Variants in SMOC2 observed in about 807,000 individuals in gnomAD.
SMOC2 encodes SPARC related modular calcium binding 2.
Under a neutral mutation model 61.4 loss-of-function variants are expected in SMOC2, and 39 were observed. The ratio of observed to expected loss-of-function variants is 0.64; its 90% CI spans 0.49 to 0.83. SMOC2 has a LOEUF of 0.83. Among genes scored for constraint, SMOC2 ranks in the 40% least tolerant of loss-of-function variants. SMOC2 has a pLI of 0.00. For synonymous variants in SMOC2, 247 were observed against 239.9 expected, an observed-to-expected ratio of 1.03 and a Z score of -0.27; for missense variants, 556 against 592.9, an observed-to-expected ratio of 0.94 and a Z score of 0.65.
intron 1 of SMOC2, among the ~76,000 whole-genome samples, chr6:168,498,462 C>T (rs527399109): frequency 1.3e-5 from 2 of 151,932 alleles, no homozygotes; most frequent in South Asian, 2.1e-4. Context: ...CAGAAAATGT[C>T]GAGGCTATCA....
chr6:168,567,797 T>G (rs1784575797), intron 7 of SMOC2, among the ~76,000 whole-genome samples: 1 of 152,056 alleles, frequency 6.6e-6, no homozygotes, highest in Non-Finnish European at 1.5e-5. Flanking sequence ...TAGAATTTAG[T>G]GCGTCTTCTC....
intron 7 of SMOC2, among the ~76,000 whole-genome samples, chr6:168,574,926 T>C (rs1784761311): frequency 6.6e-6 from 1 of 152,104 alleles, no homozygotes; most frequent in African/African-American, 2.4e-5. Flanking sequence ...CGTGCCGGGG[T>C]GCGGGGGCTG....
intron 2 of SMOC2, among the ~76,000 whole-genome samples, chr6:168,513,716 G>A (rs952694832): frequency 6.6e-6 from 1 of 152,138 alleles, no homozygotes; most frequent in South Asian, 2.1e-4. Context: ...CTGAGGCTGC[G>A]AGTGAGTCCA....
At chr6:168,545,840 C>T (rs963816548) in intron 5 of SMOC2, among the ~76,000 whole-genome samples, 49 of 152,228 alleles carry the variant, frequency 3.2e-4, no homozygotes, top group African/African-American at 1.2e-3. Flanking sequence ...CAAAAAATTT[C>T]AAATATGTTC....
intron 9 of SMOC2, among the ~76,000 whole-genome samples, chr6:168,624,653 GAC>G (rs969376946): frequency 2.0e-4 from 24 of 119,360 alleles, no homozygotes; most frequent in East Asian, 7.0e-4. Flanking sequence ...TTCACACACA[GAC>G]ACAGACGCAC....
chr6:168,623,329 A>ATTTTTTTTTTTTTTTTTTTTTT (rs11284179), intron 9 of SMOC2, among the ~76,000 whole-genome samples: 1 of 129,108 alleles, frequency 7.7e-6, no homozygotes. Context: ...TGGATAATTA[A>ATTTTTTTTTTTTTTTTTTTTTT]TTTTTTTTTT....
intron 11 of SMOC2, among the ~76,000 whole-genome samples, chr6:168,662,451 C>T (rs1332699369): frequency 6.6e-6 from 1 of 152,156 alleles, no homozygotes; most frequent in East Asian, 1.9e-4. Flanking sequence ...ACAGCAGGAA[C>T]GCCATGCCCA....
intron 11 of SMOC2, among the ~76,000 whole-genome samples, chr6:168,663,403 G>A (rs1787572106): frequency 6.6e-6 from 1 of 152,202 alleles, no homozygotes; most frequent in Non-Finnish European, 1.5e-5. Context: ...AGAAGCAAAA[G>A]ACTTCAAAGA....
chr6:168,615,340 A>AGG (rs34520308), intron 9 of SMOC2, among the ~76,000 whole-genome samples: 232 of 15,582 alleles, frequency 0.015, 3 homozygotes, highest in Middle Eastern at 0.05. Flanking sequence ...CAGCCAGCAC[A>AGG]GGGCCTCTTC....
chr6:168,482,066 C>T (rs1376175019), intron 1 of SMOC2, among the ~76,000 whole-genome samples: 3 of 151,186 alleles, frequency 2.0e-5, no homozygotes, highest in African/African-American at 7.3e-5. Flanking sequence ...AAATAGAAAA[C>T]AGAAAAATAA....
intron 4 of SMOC2, among the ~76,000 whole-genome samples, chr6:168,529,710 ACCCCC>A (rs1201330103): frequency 6.6e-6 from 1 of 152,146 alleles, no homozygotes; most frequent in Non-Finnish European, 1.5e-5. Context: ...GAGTATACAT[ACCCCC>A]CAAACACAGA....
At chr6:168,569,653 A>G (rs1286662865) in intron 7 of SMOC2, among the ~76,000 whole-genome samples, 1 of 152,146 alleles carries the variant, frequency 6.6e-6, no homozygotes, top group Non-Finnish European at 1.5e-5. Flanking sequence ...CATGTTGCCC[A>G]GGGTGGTCCC....
intron 1 of SMOC2, among the ~76,000 whole-genome samples, chr6:168,500,925 G>A (rs988551049): frequency 6.6e-6 from 1 of 152,094 alleles, no homozygotes; most frequent in Non-Finnish European, 1.5e-5. Context: ...ATGAACCCCC[G>A]GAACACTTTT....
At chr6:168,613,053 G>T (rs61369672) in intron 9 of SMOC2, among the ~76,000 whole-genome samples, 39,140 of 152,066 alleles carry the variant, frequency 0.26, 5,155 homozygotes, top group Non-Finnish European at 0.27. Context: ...AGGACCAATC[G>T]TATTCGAATG....
intron 9 of SMOC2, among the ~76,000 whole-genome samples, chr6:168,649,369 G>C: frequency 6.6e-6 from 1 of 152,180 alleles, no homozygotes; most frequent in East Asian, 1.9e-4. Flanking sequence ...TCCAGGCTCA[G>C]AAGTCTCCGT....
chr6:168,519,187 A>G lies in SMOC2; in HGVS notation c.257-7159A>G, dbSNP rs932279756. Among the ~76,000 whole-genome samples, 3 of 140,932 alleles carry G rather than the reference A, an allele frequency of 2.1e-5. 1 individual carries two copies. Among genetic ancestry groups the G allele is most frequent in the Middle Eastern group, 4.0e-3 (1 of 252 alleles). 92.5% of individuals were successfully genotyped at this position (140,932 alleles called of 152,430 possible). A position where few individuals can be genotyped will look rare whatever the true frequency, so the allele number is the denominator to read the frequency against. ...TGCGTGCATGTGTGAGTATGCGTGC[A>G]TGTGTATGTGTGTGTATGCATGCGT... On this transcript the variant is annotated intron_variant, in intron 2 of 12. Coordinates refer to ENST00000356284, the MANE Select transcript of SMOC2 (RefSeq NM_001166412.2).
chr6:168,503,978 C>T (rs1782801286), intron 1 of SMOC2, among the ~76,000 whole-genome samples: 1 of 152,162 alleles, frequency 6.6e-6, no homozygotes, highest in African/African-American at 2.4e-5. Context: ...TGTTTGAACC[C>T]CGGTCTCCTC....
At chr6:168,634,836 C>T (rs575454280) in intron 9 of SMOC2, among the ~76,000 whole-genome samples, 1 of 152,178 alleles carries the variant, frequency 6.6e-6, no homozygotes, top group African/African-American at 2.4e-5. Context: ...TTTCCTTTGA[C>T]TTTAAAAAAT....
intron 7 of SMOC2, among the ~76,000 whole-genome samples, chr6:168,570,111 A>G: frequency 7.0e-6 from 1 of 142,116 alleles, no homozygotes; most frequent in African/African-American, 2.6e-5. Flanking sequence ...TTGCTTCGCT[A>G]CTTTGGGAAC....
Sources: gnomAD v4.1 joint callset for allele counts (sites outside exome capture counted in the v4.1 genomes callset) on GRCh38, gnomAD v4.1.1 for gene constraint, MANE v1.5 for transcripts, NCBI Gene and HGNC (gene_info 2026-07-23, HGNC 2026-07-21) for gene names.